ADCY1: variants seen among roughly 807,000 people sequenced by gnomAD.
The protein encoded by ADCY1 is adenylate cyclase 1.
In ADCY1, 28 loss-of-function variants were observed where a neutral mutation model predicts 105.4. The observed-to-expected ratio is 0.27, with a 90% CI of 0.20 to 0.36. The LOEUF is 0.36. Among genes scored for constraint, ADCY1 ranks in the 10% least tolerant of loss-of-function variants. The pLI, the probability that ADCY1 is intolerant of heterozygous loss-of-function variation, is 1.00. For synonymous variants in ADCY1, 655 were observed against 623.8 expected, an observed-to-expected ratio of 1.05 and a Z score of -0.75; for missense variants, 977 against 1,434.2, an observed-to-expected ratio of 0.68 and a Z score of 5.15.
intron 14 of ADCY1, among the ~76,000 whole-genome samples, chr7:45,700,058 C>A (rs1784967757): frequency 6.6e-6 from 1 of 152,154 alleles, no homozygotes; most frequent in African/African-American, 2.4e-5. Context: ...GGGACTTCTA[C>A]CCCAGAGCCC....
chr7:45,641,406 G>A (rs961342504), intron 4 of ADCY1, among the ~76,000 whole-genome samples: 37 of 152,190 alleles, frequency 2.4e-4, no homozygotes, highest in African/African-American at 8.9e-4. Flanking sequence ...CACCCGTAAT[G>A]TAGCTCCAAC....
chr7:45,649,867 C>T (rs142448521), intron 5 of ADCY1, among the ~76,000 whole-genome samples: 8 of 152,310 alleles, frequency 5.3e-5, no homozygotes, highest in African/African-American at 1.9e-4. Flanking sequence ...CCTCAAGAGC[C>T]CGAGGTGGCT....
chr7:45,681,771 G>T (rs1389821253), intron 11 of ADCY1, among the ~76,000 whole-genome samples: 1 of 152,222 alleles, frequency 6.6e-6, no homozygotes, highest in African/African-American at 2.4e-5. Flanking sequence ...TTTGCAGGAA[G>T]CCAGCAGGGG....
intron 8 of ADCY1, 41 bp from the exon 9 acceptor site, chr7:45,677,828 G>T: frequency 1.3e-6 from 2 of 1,589,454 alleles, no homozygotes; most frequent in South Asian, 2.3e-5. Flanking sequence ...TCAATAAGTG[G>T]AGAATTTGAT....
At chr7:45,705,592 T>C (rs567718470) in intron 17 of ADCY1, among the ~76,000 whole-genome samples, 1 of 152,292 alleles carries the variant, frequency 6.6e-6, no homozygotes, top group East Asian at 1.9e-4. Flanking sequence ...ATTTAAAAAA[T>C]TTTGCAAAAT....
intron 11 of ADCY1, chr7:45,680,248 G>A (rs766187912): frequency 4.8e-6 from 1 of 208,916 alleles, no homozygotes; most frequent in Non-Finnish European, 9.8e-6. Context: ...ACAGAAGAGG[G>A]ATGTTTATTC....
intron 5 of ADCY1, among the ~76,000 whole-genome samples, chr7:45,652,603 G>A (rs79030088): frequency 1.3e-5 from 2 of 152,322 alleles, no homozygotes; most frequent in East Asian, 3.8e-4. Context: ...TTTCTGATCT[G>A]TAAACCTAGG....
At chr7:45,602,065 G>T (rs771141711) in intron 2 of ADCY1, among the ~76,000 whole-genome samples, 1 of 152,098 alleles carries the variant, frequency 6.6e-6, no homozygotes, top group African/African-American at 2.4e-5. Context: ...TGAGGGATGT[G>T]TAGGGGTTTG....
rs199863602 is a variant in ADCY1, at chr7:45,713,818, C to T, written c.3183C>T (p.Asn1061=). ...TTCTAGAAGGCAGGACTGATGGAAA[C>T]GGCTCCCAAATCAGGTCCCTGGGCT... The part of the protein sequence containing the change: ...TYFLEGRTDG[N]GSQIRSLGLD... The change falls in exon 20 of 20, where the codon AAC becomes AAT. Residue 1061 remains asparagine (N), a synonymous_variant. Coordinates refer to ENST00000297323, the MANE Select transcript of ADCY1 (RefSeq NM_021116.4). 3.7e-5 allele frequency: 29 copies of T among 780,974 alleles called. No homozygotes were observed. The highest frequency in any genetic ancestry group is 2.5e-4 in the Admixed American group (15 of 59,052). 48.4% of individuals were successfully genotyped at this position (780,974 alleles called of 1,614,324 possible). A position where few individuals can be genotyped will look rare whatever the true frequency, so the allele number is the denominator to read the frequency against.
At chr7:45,622,286 A>G (rs1006873402) in intron 3 of ADCY1, among the ~76,000 whole-genome samples, 1 of 152,158 alleles carries the variant, frequency 6.6e-6, no homozygotes, top group Admixed American at 6.5e-5. Flanking sequence ...GCCGCTGGCC[A>G]CATCCCAGTC....
chr7:45,685,183 G>A (rs1276705067), intron 12 of ADCY1, 115 bp downstream of exon 12: 16 of 1,006,612 alleles, frequency 1.6e-5, no homozygotes, highest in Non-Finnish European at 2.2e-5. Flanking sequence ...AGAGACGTCA[G>A]TAACAGGCAT....
At position 45,708,367 on chromosome 7, in the gene ADCY1, C is replaced by T. The variant is rs745484216; in HGVS notation, c.2835C>T (p.Ser945=). 4.3e-6 allele frequency: 7 copies of T among 1,614,024 alleles called. No individual in the cohort carries two copies. Among genetic ancestry groups the T allele is most frequent in the Non-Finnish European group, 5.9e-6 (7 of 1,179,964 alleles). Residue 945 remains serine (S), a synonymous_variant, in exon 18 of 20, where the codon TCC becomes TCT. Transcript: ENST00000297323. This position sits in a 1 kb window ranked among gnomAD's most constrained non-coding sequence, Gnocchi z 4.7. ...ACACCTAGGCTAAGAAGTCCATCTC[C>T]TCCCACCTGAGCACGCTGGCGGACT... ...TSGTKAKKSI[S]SHLSTLADFA...
At chr7:45,661,048 G>T (rs1223687064) in intron 7 of ADCY1, among the ~76,000 whole-genome samples, 1 of 152,126 alleles carries the variant, frequency 6.6e-6, no homozygotes, top group Non-Finnish European at 1.5e-5. Flanking sequence ...GAGGGTCGAT[G>T]CCTCAGGTGA....
At chr7:45,705,261 C>T (rs1785092779) in intron 17 of ADCY1, among the ~76,000 whole-genome samples, 1 of 152,066 alleles carries the variant, frequency 6.6e-6, no homozygotes, top group African/African-American at 2.4e-5. Flanking sequence ...CAGACAAAGA[C>T]GTAATAGAAA....
Position 45,719,928 on chromosome 7 carries a change from G to A in ADCY1, c.*5933G>A, listed in dbSNP as rs1228142904. The stretch of plus-strand genomic sequence containing the variant: ...TACTACATCAGCACTGAAGTCCAGG[G>A]GCATTGAGGCACTAACTAGGTTCCA... On this transcript the variant is annotated 3_prime_UTR_variant, in exon 20 of 20. Coordinates refer to ENST00000297323, the MANE Select transcript of ADCY1 (RefSeq NM_021116.4). The A allele has an allele frequency of 6.6e-6, 1 of 151,932 alleles. No homozygotes were observed. Among genetic ancestry groups the A allele is most frequent in the Non-Finnish European group, 1.5e-5 (1 of 68,030 alleles). 9.4% of individuals were successfully genotyped at this position (151,932 alleles called of 1,614,324 possible).
At chr7:45,583,674 C>T (rs528774538) in intron 1 of ADCY1, among the ~76,000 whole-genome samples, 1 of 152,088 alleles carries the variant, frequency 6.6e-6, no homozygotes, top group East Asian at 1.9e-4. Flanking sequence ...GAGTTTCGCT[C>T]TTGTTGCCCA....
chr7:45,629,583 A>G (rs1035144948), intron 4 of ADCY1, among the ~76,000 whole-genome samples: 12 of 151,298 alleles, frequency 7.9e-5, no homozygotes, highest in Admixed American at 5.3e-4. Flanking sequence ...CAGTGGCGCA[A>G]TCTCGGCTCA....
intron 1 of ADCY1, among the ~76,000 whole-genome samples, chr7:45,583,165 TCGTG>T (rs1264947271): frequency 6.6e-6 from 1 of 152,208 alleles, no homozygotes; most frequent in African/African-American, 2.4e-5. Flanking sequence ...ACTGTACACA[TCGTG>T]TGTGGATGTG....
rs1785436863 is a variant in ADCY1 at position 45,719,912 on chromosome 7, A to AGCACTGAAGTCCAGGGGCATTGAG, written c.*5923_*5946dup. The AGCACTGAAGTCCAGGGGCATTGAG allele has an allele frequency of 3.3e-5, 5 of 152,104 alleles. No individual in the cohort carries two copies. The South Asian group carries it at 1.0e-3, about 31-fold the overall frequency. 9.4% of individuals were successfully genotyped at this position (152,104 alleles called of 1,614,324 possible). On this transcript the variant is annotated 3_prime_UTR_variant, in exon 20 of 20. Coordinates refer to ENST00000297323, the MANE Select transcript of ADCY1 (RefSeq NM_021116.4). ...AGTCAACTTTATCATCTACTACATC[A>AGCACTGAAGTCCAGGGGCATTGAG]GCACTGAAGTCCAGGGGCATTGAGG...
Sources: allele counts gnomAD v4.1 joint callset (sites outside exome capture counted in the v4.1 genomes callset), GRCh38; gene constraint gnomAD v4.1.1; non-coding constraint Gnocchi (gnomAD v3.1); transcripts MANE v1.5; gene names NCBI Gene and HGNC (gene_info 2026-07-23, HGNC 2026-07-21).